CDH4: variants seen among roughly 807,000 people sequenced by gnomAD.
CDH4 encodes the protein cadherin 4, also known as cadherin-4.
In CDH4, 33 loss-of-function variants were observed where a neutral mutation model predicts 86.0. The ratio of observed to expected loss-of-function variants is 0.38; its 90% CI spans 0.29 to 0.51. The LOEUF (loss-of-function observed/expected upper bound fraction) is 0.51. Among genes scored for constraint, CDH4 ranks in the 20% least tolerant of loss-of-function variants. CDH4 has a pLI of 0.86. For missense variants in CDH4, 1,114 were observed against 1,307.4 expected (o/e 0.85, Z 2.28); for synonymous variants, 555 against 549.4 (o/e 1.01, Z -0.14).
intron 2 of CDH4, among the ~76,000 whole-genome samples, chr20:61,652,938 A>ATTTATTTATTTTTTTTTT (rs1555819716): frequency 1.0e-4 from 10 of 97,426 alleles, no homozygotes; most frequent in African/African-American, 3.4e-4. Flanking sequence ...TTATTTATTT[A>ATTTATTTATTTTTTTTTT]TTTTTTTTTT....
chr20:61,805,036 G>T (rs1216577332), intron 4 of CDH4, among the ~76,000 whole-genome samples: 2 of 152,210 alleles, frequency 1.3e-5, no homozygotes, highest in Admixed American at 1.3e-4. Flanking sequence ...GCCAGGCCAA[G>T]AGTGCATCCC....
intron 2 of CDH4, among the ~76,000 whole-genome samples, chr20:61,682,353 A>G (rs369539801): frequency 5.4e-5 from 7 of 128,716 alleles, no homozygotes; most frequent in Admixed American, 1.5e-4. Context: ...GAGATAGATG[A>G]ATGGATGGAT....
intron 2 of CDH4, among the ~76,000 whole-genome samples, chr20:61,308,530 A>G (rs1325648391): frequency 6.6e-6 from 1 of 152,204 alleles, no homozygotes; most frequent in Non-Finnish European, 1.5e-5. Context: ...CAATGCCAGC[A>G]GTCTGTGGGA....
At chr20:61,790,311 ATCCATTCATCCTTTCATCTC>A (rs1210975978) in intron 4 of CDH4, among the ~76,000 whole-genome samples, 59 of 150,568 alleles carry the variant, frequency 3.9e-4, no homozygotes, top group Non-Finnish European at 4.7e-4. Flanking sequence ...CCCACTATCC[ATCCATTCATCCTTTCATCTC>A]TCCATTCATC....
chr20:61,318,985 A>G (rs2084493262), intron 2 of CDH4, among the ~76,000 whole-genome samples: 1 of 152,194 alleles, frequency 6.6e-6, no homozygotes, highest in Admixed American at 6.5e-5. Flanking sequence ...ACACACTGAT[A>G]TGGAGATGCT....
At chr20:61,532,873 G>T (rs62201786) in intron 2 of CDH4, among the ~76,000 whole-genome samples, 2 of 152,038 alleles carry the variant, frequency 1.3e-5, no homozygotes, top group African/African-American at 4.8e-5. Context: ...CTCAGAGTTT[G>T]GCAGGTCAGT....
chr20:61,559,869 C>T (rs2086203870), intron 2 of CDH4, among the ~76,000 whole-genome samples: 2 of 152,122 alleles, frequency 1.3e-5, no homozygotes, highest in African/African-American at 2.4e-5. Context: ...GCTGGCTTCC[C>T]GGGGCTTCTT....
At position 61,676,693 on chromosome 20, in the gene CDH4, T is replaced by G. The variant is rs2087448089; in HGVS notation, c.170-66870T>G. 6.6e-6 allele frequency among the ~76,000 whole-genome samples: 1 copy of G among 152,188 alleles called. No individual in the cohort carries two copies. Among genetic ancestry groups the G allele is most frequent in the South Asian group, 2.1e-4 (1 of 4,820 alleles). On this transcript the variant is annotated intron_variant, in intron 2 of 15. Transcript: ENST00000614565. The surrounding 1 kb of genome is among the most constrained non-coding windows in gnomAD (Gnocchi z 4.5). ...TCAATCCCACACACCCCCAGGAGCC[T>G]ATGGAAGTGACCAGATGATAAACCT...
chr20:61,713,623 GTC>G (rs1331706138), intron 2 of CDH4, among the ~76,000 whole-genome samples: 1 of 152,258 alleles, frequency 6.6e-6, no homozygotes, highest in Non-Finnish European at 1.5e-5. Flanking sequence ...GAAAAGGACA[GTC>G]TGTGCTCCCA....
chr20:61,547,981 C>T (rs968316509), intron 2 of CDH4, among the ~76,000 whole-genome samples: 1 of 152,282 alleles, frequency 6.6e-6, no homozygotes, highest in African/African-American at 2.4e-5. Flanking sequence ...ATGCCCTTGG[C>T]CTTGAGGGGA....
At chr20:61,538,337 G>C (rs1248324475) in intron 2 of CDH4, among the ~76,000 whole-genome samples, 2 of 152,174 alleles carry the variant, frequency 1.3e-5, no homozygotes, top group African/African-American at 2.4e-5. Flanking sequence ...AGGGGCTGGT[G>C]CACCAGAGAT....
At chr20:61,523,062 A>G (rs1331362974) in intron 2 of CDH4, among the ~76,000 whole-genome samples, 30 of 152,140 alleles carry the variant, frequency 2.0e-4, no homozygotes, top group Non-Finnish European at 4.4e-4. Flanking sequence ...AGGGAAGGCA[A>G]CCCACACCAG....
rs541866407 is a variant in CDH4 at position 61,859,386 on chromosome 20, G to A, written c.877+6488G>A. 5.3e-5 allele frequency among the ~76,000 whole-genome samples: 8 copies of A among 152,288 alleles called. No individual in the cohort carries two copies. In the East Asian group the frequency reaches 1.5e-3, roughly 29 times the overall value. The stretch of plus-strand genomic sequence containing the variant: ...CCCCCCAGGGTCTTTGCGAGCGAAA[G>A]TGTTTAATTTGGAGGAAGTCCAGTT... On this transcript the variant is annotated intron_variant, in intron 6 of 15. Coordinates refer to ENST00000614565, the MANE Select transcript of CDH4 (RefSeq NM_001794.5).
chr20:61,345,750 G>T (rs1305992237), intron 2 of CDH4, among the ~76,000 whole-genome samples: 1 of 152,230 alleles, frequency 6.6e-6, no homozygotes, highest in African/African-American at 2.4e-5. Flanking sequence ...GGAGTGAGTG[G>T]TGTTGGGGCT....
chr20:61,602,846 C>T (rs553928662), intron 2 of CDH4, among the ~76,000 whole-genome samples: 5 of 152,306 alleles, frequency 3.3e-5, no homozygotes, highest in South Asian at 2.1e-4. Context: ...GGTACACGCC[C>T]GCAGGGCATT....
intron 3 of CDH4, among the ~76,000 whole-genome samples, chr20:61,757,931 T>C (rs1199770411): frequency 6.6e-6 from 1 of 152,184 alleles, no homozygotes; most frequent in Non-Finnish European, 1.5e-5. Flanking sequence ...ACTGTCTTTG[T>C]TCACTCCAGG....
At position 61,773,195 on chromosome 20, in the gene CDH4, C is replaced by T. The variant is rs956401840; in HGVS notation, c.576+13C>T. ...GCAGCTCGTGAGGGTGAGTGCAGAC[C>T]CCTCCCGCGGGCACGGGGGTCTCGG... On this transcript the variant is annotated intron_variant, in intron 4 of 15. Coordinates refer to ENST00000614565, the MANE Select transcript of CDH4 (RefSeq NM_001794.5). The T allele has an allele frequency of 1.4e-5, 21 of 1,525,714 alleles. No homozygotes were observed. Among genetic ancestry groups the T allele is most frequent in the Non-Finnish European group, 1.8e-5 (20 of 1,128,574 alleles). The allele number at this position is 1,525,714 out of a possible 1,614,324, so 94.5% of individuals were successfully genotyped here. A position where few individuals can be genotyped will look rare whatever the true frequency, so the allele number is the denominator to read the frequency against.
chr20:61,743,207 T>G (rs1784367614), intron 2 of CDH4, among the ~76,000 whole-genome samples: 1 of 152,194 alleles, frequency 6.6e-6, no homozygotes, highest in Non-Finnish European at 1.5e-5. Context: ...TGGGGGGAAC[T>G]GAGGGAATAT....
At chr20:61,764,570 C>T (rs1035889221) in intron 3 of CDH4, among the ~76,000 whole-genome samples, 3 of 152,092 alleles carry the variant, frequency 2.0e-5, no homozygotes, top group South Asian at 2.1e-4. Context: ...ACACCTTCCG[C>T]GCAGGGCCCC....
Sources: allele counts gnomAD v4.1 joint callset (sites outside exome capture counted in the v4.1 genomes callset), GRCh38; gene constraint gnomAD v4.1.1; non-coding constraint Gnocchi (gnomAD v3.1); transcripts MANE v1.5; gene names NCBI Gene and HGNC (gene_info 2026-07-23, HGNC 2026-07-21).